Variants in COL21A1 observed in about 807,000 individuals in gnomAD.
COL21A1 encodes the protein collagen alpha-1(XXI) chain.
A neutral mutation model predicts 137.9 loss-of-function variants in COL21A1; 149 were observed. The observed-to-expected ratio is 1.08, with a 90% confidence interval of 0.95 to 1.24. COL21A1 has a LOEUF of 1.24. Among genes scored for constraint, COL21A1 ranks in the 50% most tolerant of loss-of-function variants. COL21A1 has a pLI of 0.00. For missense variants in COL21A1, 1,167 were observed against 1,158.4 expected (o/e 1.01, Z -0.11); for synonymous variants, 456 against 391.5 (o/e 1.16, Z -1.95).
chr6:56,343,370 G>T (rs1340149766), intron 1 of COL21A1, among the ~76,000 whole-genome samples: 3 of 152,152 alleles, frequency 2.0e-5, no homozygotes, highest in Non-Finnish European at 4.4e-5. Flanking sequence ...TTCCTAGTCT[G>T]TCCTTGTAAA....
chr6:56,342,112 G>C (rs1040488292), intron 1 of COL21A1, among the ~76,000 whole-genome samples: 1 of 152,086 alleles, frequency 6.6e-6, no homozygotes, highest in Non-Finnish European at 1.5e-5. Flanking sequence ...GTGCTGGTTT[G>C]GAAGTTCTGC....
chr6:56,238,504 A>G (rs1782058385), intron 1 of COL21A1, among the ~76,000 whole-genome samples: 1 of 151,668 alleles, frequency 6.6e-6, no homozygotes, highest in Admixed American at 6.6e-5. Flanking sequence ...TGCAGTTACA[A>G]GCGAGACCTG....
At chr6:56,324,945 T>C (rs1764969639) in intron 1 of COL21A1, among the ~76,000 whole-genome samples, 1 of 151,772 alleles carries the variant, frequency 6.6e-6, no homozygotes, top group Non-Finnish European at 1.5e-5. Context: ...ACACAGTACT[T>C]TTATCTCTGA....
chr6:56,066,211 A>G (rs947389587), intron 23 of COL21A1, among the ~76,000 whole-genome samples: 1 of 151,962 alleles, frequency 6.6e-6, no homozygotes, highest in Non-Finnish European at 1.5e-5. Context: ...AAGGAATCCT[A>G]TATCATAGTA....
chr6:56,301,221 G>A (rs1764271916), intron 1 of COL21A1, among the ~76,000 whole-genome samples: 1 of 152,038 alleles, frequency 6.6e-6, no homozygotes. Flanking sequence ...AGATTACCCT[G>A]GATTATCCAA....
chr6:56,303,752 G>T (rs1373346032), intron 1 of COL21A1, among the ~76,000 whole-genome samples: 1 of 152,174 alleles, frequency 6.6e-6, no homozygotes, highest in African/African-American at 2.4e-5. Context: ...GCCCTGGCCA[G>T]AACTTCCAAC....
upstream of COL21A1, among the ~76,000 whole-genome samples, chr6:56,249,273 TA>T (rs1782792255): frequency 6.6e-6 from 1 of 152,230 alleles, no homozygotes; most frequent in Admixed American, 6.5e-5. Context: ...AGTGGGCTTG[TA>T]AAAATGATTA....
chr6:56,067,863 A>G (rs1381527736), intron 22 of COL21A1, among the ~76,000 whole-genome samples: 1 of 151,630 alleles, frequency 6.6e-6, no homozygotes, highest in African/African-American at 2.4e-5. Flanking sequence ...TTAGAAACCA[A>G]CTTATACAAT....
intron 10 of COL21A1, among the ~76,000 whole-genome samples, chr6:56,147,166 A>G (rs1312098530): frequency 6.6e-6 from 1 of 152,150 alleles, no homozygotes; most frequent in Non-Finnish European, 1.5e-5. Flanking sequence ...CTTACTTCCC[A>G]ACATAAATCT....
chr6:56,288,337 T>C (rs1231578714), intron 1 of COL21A1, among the ~76,000 whole-genome samples: 1 of 151,920 alleles, frequency 6.6e-6, no homozygotes, highest in Non-Finnish European at 1.5e-5. Flanking sequence ...AACACTCCCC[T>C]AGATAATACA....
intron 1 of COL21A1, among the ~76,000 whole-genome samples, chr6:56,205,454 G>A (rs771366870): frequency 1.3e-5 from 2 of 152,116 alleles, no homozygotes; most frequent in African/African-American, 2.4e-5. Context: ...GAAAAGAGAT[G>A]AATAAAGCCT....
intron 1 of COL21A1, among the ~76,000 whole-genome samples, chr6:56,360,222 A>G (rs959262758): frequency 4.6e-5 from 7 of 152,108 alleles, no homozygotes; most frequent in Non-Finnish European, 7.4e-5. Context: ...GCACATAAAG[A>G]GAGTAAAGCC....
intron 1 of COL21A1, among the ~76,000 whole-genome samples, chr6:56,257,252 G>T (rs1281347718): frequency 6.6e-6 from 1 of 152,104 alleles, no homozygotes; most frequent in Non-Finnish European, 1.5e-5. Flanking sequence ...TTTAAGGCAG[G>T]GTACTATGGA....
At chr6:56,086,135 A>T (rs1397559904) in intron 17 of COL21A1, among the ~76,000 whole-genome samples, 3 of 152,024 alleles carry the variant, frequency 2.0e-5, no homozygotes, top group Non-Finnish European at 4.4e-5. Context: ...CCTCTGCTTA[A>T]AAACCATTAC....
chr6:56,158,266 C>CTTTTTTTTTTT (rs67453245), intron 9 of COL21A1, among the ~76,000 whole-genome samples: 29 of 62,412 alleles, frequency 4.6e-4, no homozygotes, highest in East Asian at 5.4e-4. Flanking sequence ...TTTTTTTTTT[C>CTTTTTTTTTTT]TTTTTTTTTT....
intron 12 of COL21A1, among the ~76,000 whole-genome samples, chr6:56,135,086 T>G (rs1201453879): frequency 6.6e-6 from 1 of 152,042 alleles, no homozygotes; most frequent in Non-Finnish European, 1.5e-5. Flanking sequence ...CATGCTAGAA[T>G]GTGAAACCTT....
At chr6:56,208,874 A>G (rs901225480) in intron 1 of COL21A1, among the ~76,000 whole-genome samples, 2 of 152,310 alleles carry the variant, frequency 1.3e-5, no homozygotes, top group Middle Eastern at 3.4e-3. Context: ...AACACCACAC[A>G]TCTACAACCA....
At chr6:56,058,189 T>C (rs976179458) in intron 29 of COL21A1, among the ~76,000 whole-genome samples, 4 of 152,188 alleles carry the variant, frequency 2.6e-5, no homozygotes, top group African/African-American at 9.6e-5. Flanking sequence ...AATATTATTA[T>C]AAATTAACAG....
chr6:56,171,152 T>C (rs780626273), intron 3 of COL21A1, 24 bp from the exon 4 acceptor site: 1 of 1,557,358 alleles, frequency 6.4e-7, no homozygotes, highest in Non-Finnish European at 8.7e-7. Flanking sequence ...GCAATAAAAG[T>C]TGGTTAATCA....
Sources: gnomAD v4.1 joint callset for allele counts (sites outside exome capture counted in the v4.1 genomes callset) on GRCh38, gnomAD v4.1.1 for gene constraint, MANE v1.5 for transcripts, NCBI Gene and HGNC (gene_info 2026-07-23, HGNC 2026-07-21) for gene names.